GLS: variants seen among roughly 807,000 people sequenced by gnomAD.
The protein encoded by GLS is glutaminase.
Under a neutral mutation model 86.7 loss-of-function variants are expected in GLS, and 36 were observed. The ratio of observed to expected loss-of-function variants is 0.42; its 90% CI spans 0.32 to 0.55. The LOEUF (loss-of-function observed/expected upper bound fraction) is 0.55. GLS is among the 20% of genes least tolerant of loss of function. The pLI, the probability that GLS is intolerant of heterozygous loss-of-function variation, is 0.17. For synonymous variants in GLS, 317 were observed against 305.9 expected, an observed-to-expected ratio of 1.04 and a Z score of -0.38; for missense variants, 528 against 833.4, an observed-to-expected ratio of 0.63 and a Z score of 4.51.
In GLS at chr2:190,956,534, G is replaced by A. The variant is rs551882569; in HGVS notation, c.1853+1716G>A. On this transcript the variant is annotated intron_variant, in intron 17 of 17. Transcript: ENST00000320717. This position sits in a 1 kb window ranked among gnomAD's most constrained non-coding sequence, Gnocchi z 4.2. ...GTAGTATAGTTTGAAGTCAGGTAGC[G>A]TGATGCCTCCAGCTTTCTTCTTTTT... Among the ~76,000 whole-genome samples, 11 of 152,226 alleles carry A rather than the reference G, an allele frequency of 7.2e-5. No individual in the cohort carries two copies. Among genetic ancestry groups the A allele is most frequent in the South Asian group, 4.1e-4 (2 of 4,826 alleles).
intron 1 of GLS, among the ~76,000 whole-genome samples, chr2:190,887,481 A>G (rs925705220): frequency 6.6e-6 from 1 of 152,180 alleles, no homozygotes; most frequent in Non-Finnish European, 1.5e-5. Context: ...TGCATAATGA[A>G]TAAAACTGAT....
intron 9 of GLS, among the ~76,000 whole-genome samples, chr2:190,923,404 T>C (rs1366555150): frequency 6.6e-6 from 1 of 152,200 alleles, no homozygotes; most frequent in African/African-American, 2.4e-5. Context: ...TATATACTTT[T>C]CTAACCCGTT....
chr2:190,906,482 TATTG>T (rs1689139884), intron 6 of GLS, among the ~76,000 whole-genome samples: 1 of 152,182 alleles, frequency 6.6e-6, no homozygotes, highest in Non-Finnish European at 1.5e-5. Flanking sequence ...AATCATGAAT[TATTG>T]ATACTGTATT....
At chr2:190,946,442 A>G (rs901988671) in intron 14 of GLS, among the ~76,000 whole-genome samples, 1 of 152,216 alleles carries the variant, frequency 6.6e-6, no homozygotes, top group African/African-American at 2.4e-5. Context: ...TGAGCTGGAA[A>G]TGAGAGCAGC....
intron 1 of GLS, among the ~76,000 whole-genome samples, chr2:190,894,241 C>A (rs1284470351): frequency 6.6e-6 from 1 of 152,142 alleles, no homozygotes; most frequent in East Asian, 1.9e-4. Flanking sequence ...TGCCTATAAC[C>A]TACATATATC....
chr2:190,931,994 A>C (rs1056799462), intron 14 of GLS, among the ~76,000 whole-genome samples: 1 of 152,034 alleles, frequency 6.6e-6, no homozygotes, highest in Non-Finnish European at 1.5e-5. Context: ...AATGTGCTGC[A>C]TGCTATAAAG....
Position 190,949,132 on chromosome 2 carries a change from AATTTTGCTCT to A in GLS, c.1651-4429_1651-4420del, listed in dbSNP as rs757192141. The stretch of plus-strand genomic sequence containing the variant: ...AGACAAAAACAAGGGCAGTAAGACC[AATTTTGCTCT>A]ATTGAGGTTGAGAAGAAAAATTAAG... On this transcript the variant is annotated intron_variant, in intron 14 of 17. Coordinates refer to ENST00000320717, the MANE Select transcript of GLS (RefSeq NM_014905.5). The surrounding 1 kb of genome is among the most constrained non-coding windows in gnomAD (Gnocchi z 4.0). Among the ~76,000 whole-genome samples, 3 of 152,174 alleles carry A rather than the reference AATTTTGCTCT, an allele frequency of 2.0e-5. No individual in the cohort carries two copies. Among genetic ancestry groups the A allele is most frequent in the Non-Finnish European group, 4.4e-5 (3 of 68,038 alleles).
In GLS at chr2:190,920,896, C is replaced by T. The variant is rs1689708603; in HGVS notation, c.1039-128C>T. 1 of 570,202 alleles carries T rather than the reference C, an allele frequency of 1.8e-6. No homozygotes were observed. Among genetic ancestry groups the T allele is most frequent in the Non-Finnish European group, 3.2e-6 (1 of 314,886 alleles). 35.3% of individuals were successfully genotyped at this position (570,202 alleles called of 1,614,324 possible). ...ATATAAATGTTAAATTACTTTAGAACTATTTCCTAGATTTAAAAATACTAA... is the reference window on the plus strand; with the variant it reads ...ATATAAATGTTAAATTACTTTAGAATTATTTCCTAGATTTAAAAATACTAA... On this transcript the variant is annotated intron_variant, in intron 7 of 17. Coordinates refer to ENST00000320717, the MANE Select transcript of GLS (RefSeq NM_014905.5). The surrounding 1 kb of genome is among the most constrained non-coding windows in gnomAD (Gnocchi z 4.2).
At position 190,880,870 on chromosome 2, in the gene GLS, C is replaced by CGA; in HGVS notation, c.-214_-213insAG. 2 of 716,764 alleles carry CGA rather than the reference C, an allele frequency of 2.8e-6. No individual in the cohort carries two copies. The highest frequency in any genetic ancestry group is 4.0e-5 in the African/African-American group (2 of 50,308). 44.4% of individuals were successfully genotyped at this position (716,764 alleles called of 1,614,324 possible). ...AGAGAACCGGTCGCGGCAATCCTAG[C>CGA]GCGCAGCAGCAGCAGCAGCAGCAGC... On this transcript the variant is annotated 5_prime_UTR_variant, in exon 1 of 18. Transcript: ENST00000320717.
At chr2:190,919,617 A>G (rs1016201291) in intron 7 of GLS, 3 of 672,192 alleles carry the variant, frequency 4.5e-6, no homozygotes, top group Non-Finnish European at 5.5e-6. Flanking sequence ...ATGTTGTTAC[A>G]TATTTTACAG....
chr2:190,888,268 A>G (rs929596587), intron 1 of GLS, among the ~76,000 whole-genome samples: 2 of 152,196 alleles, frequency 1.3e-5, no homozygotes, highest in African/African-American at 4.8e-5. Context: ...ATGAATTTGC[A>G]CAGCTCCTGT....
Position 190,953,658 on chromosome 2 carries a change from T to C in GLS, c.1712+32T>C, listed in dbSNP as rs762765277. On this transcript the variant is annotated intron_variant, in intron 15 of 17. Coordinates refer to ENST00000320717, the MANE Select transcript of GLS (RefSeq NM_014905.5). This position sits in a 1 kb window ranked among gnomAD's most constrained non-coding sequence, Gnocchi z 4.0. Reference sequence around the variant, plus strand: ...TTACAGGATGGATTAGCATGCACTTTACAGATATTTATGAAGTTGCTTCTG... The same window carrying C: ...TTACAGGATGGATTAGCATGCACTTCACAGATATTTATGAAGTTGCTTCTG... The C allele has an allele frequency of 7.1e-6, 10 of 1,415,352 alleles. No homozygotes were observed. In the South Asian group the frequency reaches 1.0e-4, roughly 15 times the overall value. The allele number at this position is 1,415,352 out of a possible 1,614,324, so 87.7% of individuals were successfully genotyped here.
chr2:190,916,903 C>CT (rs760669470), intron 7 of GLS, among the ~76,000 whole-genome samples: 8 of 152,076 alleles, frequency 5.3e-5, no homozygotes, highest in Non-Finnish European at 1.0e-4. Context: ...GTAAGAAATG[C>CT]TAAGGATCAT....
chr2:190,941,477 T>G (rs111512699), intron 14 of GLS, among the ~76,000 whole-genome samples: 9 of 152,300 alleles, frequency 5.9e-5, no homozygotes, highest in African/African-American at 2.2e-4. Context: ...GTTAGCTGTA[T>G]CTTTAATGTT....
rs1420329850 is a variant in GLS, at chr2:190,943,134, T to G, written c.1651-10431T>G. Among the ~76,000 whole-genome samples the G allele has an allele frequency of 6.6e-6, 1 of 152,182 alleles. No individual in the cohort carries two copies. The highest frequency in any genetic ancestry group is 2.4e-5 in the African/African-American group (1 of 41,434). ...TTAACAAATAGAGGTTCTGTTAGTA[T>G]GGAAGGGGTGGGTAGTGGATAATGG... On this transcript the variant is annotated intron_variant, in intron 14 of 17. Transcript: ENST00000320717. This position sits in a 1 kb window ranked among gnomAD's most constrained non-coding sequence, Gnocchi z 4.5.
At chr2:190,911,338 AAAAAGCTTTT>A (rs1558976925) in intron 7 of GLS, among the ~76,000 whole-genome samples, 1 of 152,090 alleles carries the variant, frequency 6.6e-6, no homozygotes. Context: ...TATCTGTGAG[AAAAAGCTTTT>A]AAAATAGAAG....
chr2:190,919,713 CTTT>C (rs1387895067), intron 7 of GLS: 4 of 703,930 alleles, frequency 5.7e-6, no homozygotes, highest in Non-Finnish European at 7.0e-6. Context: ...CATTGAACAG[CTTT>C]GGAGTTACAT....
At chr2:190,904,571 G>A (rs1166513389) in intron 5 of GLS, among the ~76,000 whole-genome samples, 1 of 151,974 alleles carries the variant, frequency 6.6e-6, no homozygotes, top group Non-Finnish European at 1.5e-5. Flanking sequence ...GAAAATATTT[G>A]AGCCAAAAAA....
chr2:190,925,545 C>T (rs191155762), intron 11 of GLS, among the ~76,000 whole-genome samples: 50 of 152,286 alleles, frequency 3.3e-4, no homozygotes, highest in Admixed American at 2.0e-3. Context: ...CAGTTGGTGC[C>T]ACTGATGGGG....
Sources: gnomAD v4.1 joint callset for allele counts (sites outside exome capture counted in the v4.1 genomes callset) on GRCh38, gnomAD v4.1.1 for gene constraint, Gnocchi (gnomAD v3.1) non-coding constraint, MANE v1.5 for transcripts, NCBI Gene and HGNC (gene_info 2026-07-23, HGNC 2026-07-21) for gene names.